The following NUBPL variants were observed in gnomAD, a reference collection of about 807,000 sequenced individuals.
NUBPL encodes iron-sulfur cluster transfer protein NUBPL.
Under a neutral mutation model 45.7 loss-of-function variants are expected in NUBPL, and 31 were observed. The ratio of observed to expected loss-of-function variants is 0.68; its 90% CI spans 0.51 to 0.92. The LOEUF (loss-of-function observed/expected upper bound fraction) is 0.92, where lower values mean the gene tolerates loss of function less well. Among genes scored for constraint, NUBPL ranks in the 40% least tolerant of loss-of-function variants. The pLI is 0.00. For missense variants in NUBPL, 401 were observed against 398.7 expected (o/e 1.01, Z -0.05); for synonymous variants, 144 against 140.9 (o/e 1.02, Z -0.15).
chr14:31,726,174 C>T (rs990957350), intron 6 of NUBPL, among the ~76,000 whole-genome samples: 1 of 152,232 alleles, frequency 6.6e-6, no homozygotes, highest in Admixed American at 6.5e-5. Context: ...AATTAATGGC[C>T]TAAAGTCATA....
At chr14:31,768,804 C>A (rs762318194) in intron 6 of NUBPL, among the ~76,000 whole-genome samples, 1 of 152,172 alleles carries the variant, frequency 6.6e-6, no homozygotes. Flanking sequence ...AAGAGTTCAT[C>A]CTGGTACCAA....
chr14:31,601,505 C>T (rs2034433361), intron 4 of NUBPL, among the ~76,000 whole-genome samples: 1 of 151,882 alleles, frequency 6.6e-6, no homozygotes, highest in South Asian at 2.1e-4. Flanking sequence ...GTATTTTATT[C>T]TCCAGAATCT....
chr14:31,824,526 C>T (rs539792039), intron 7 of NUBPL, among the ~76,000 whole-genome samples: 10 of 152,170 alleles, frequency 6.6e-5, no homozygotes, highest in South Asian at 6.2e-4. Flanking sequence ...AAATTTATGA[C>T]GTTAATTTAA....
At chr14:31,699,194 A>C (rs1243880082) in intron 6 of NUBPL, among the ~76,000 whole-genome samples, 1 of 152,130 alleles carries the variant, frequency 6.6e-6, no homozygotes, top group Admixed American at 6.5e-5. Context: ...TTTTTTGTTT[A>C]GGGTAGGCCT....
chr14:31,701,747 T>C (rs4981883), intron 6 of NUBPL, among the ~76,000 whole-genome samples: 151,707 of 152,336 alleles, frequency 1, 75,544 homozygotes, highest in Middle Eastern at 1. Context: ...AGAAGAAACT[T>C]TGGACACACC....
chr14:31,636,032 G>A (rs981476618), intron 4 of NUBPL, among the ~76,000 whole-genome samples: 5 of 152,020 alleles, frequency 3.3e-5, no homozygotes, highest in Admixed American at 6.6e-5. Flanking sequence ...CATGTCATCT[G>A]CAAACAGGGA....
intron 6 of NUBPL, among the ~76,000 whole-genome samples, chr14:31,705,986 C>T (rs920278911): frequency 3.9e-5 from 6 of 152,322 alleles, no homozygotes; most frequent in Admixed American, 3.9e-4. Context: ...CCCTCCACAC[C>T]TCCCCACAAG....
At chr14:31,604,988 A>G (rs925801606) in intron 4 of NUBPL, among the ~76,000 whole-genome samples, 2 of 152,234 alleles carry the variant, frequency 1.3e-5, no homozygotes, top group Admixed American at 6.5e-5. Context: ...CTGACATTAT[A>G]ATGACTGAAG....
At chr14:31,651,505 C>T (rs1195114502) in intron 4 of NUBPL, among the ~76,000 whole-genome samples, 4 of 152,046 alleles carry the variant, frequency 2.6e-5, no homozygotes, top group Non-Finnish European at 5.9e-5. Context: ...CTTTTGTAAC[C>T]TATGGAATGG....
chr14:31,780,294 C>T (rs1217657917), intron 6 of NUBPL, among the ~76,000 whole-genome samples: 1 of 151,858 alleles, frequency 6.6e-6, no homozygotes, highest in Non-Finnish European at 1.5e-5. Context: ...AGTCTGTGAA[C>T]TCCTGACCTC....
chr14:31,829,112 C>G (rs1304461969), intron 8 of NUBPL, among the ~76,000 whole-genome samples: 1 of 152,134 alleles, frequency 6.6e-6, no homozygotes, highest in Non-Finnish European at 1.5e-5. Context: ...AGTTCTGGGT[C>G]ATGACAAGGT....
At chr14:31,786,973 G>A (rs57264554) in intron 6 of NUBPL, among the ~76,000 whole-genome samples, 56 of 152,320 alleles carry the variant, frequency 3.7e-4, no homozygotes, top group African/African-American at 1.3e-3. Context: ...AACAGATGGT[G>A]GTGGCCTCAC....
intron 7 of NUBPL, among the ~76,000 whole-genome samples, chr14:31,807,107 C>T (rs914399440): frequency 6.6e-6 from 1 of 152,104 alleles, no homozygotes; most frequent in Admixed American, 6.6e-5. Context: ...TTTATAGCAG[C>T]ATGCTTTATA....
chr14:31,600,745 C>G (rs537367998), intron 4 of NUBPL, among the ~76,000 whole-genome samples: 2 of 151,528 alleles, frequency 1.3e-5, no homozygotes, highest in Non-Finnish European at 2.9e-5. Flanking sequence ...TGTGCAGAAG[C>G]TCTTTAGTTT....
chr14:31,813,053 A>C (rs1326169631), intron 7 of NUBPL, among the ~76,000 whole-genome samples: 1 of 137,626 alleles, frequency 7.3e-6, no homozygotes, highest in Non-Finnish European at 1.5e-5. Flanking sequence ...GTAGTGGTGT[A>C]TCTCGGCTCA....
chr14:31,858,348 A>C (rs193044884), intron 10 of NUBPL, among the ~76,000 whole-genome samples: 1 of 152,238 alleles, frequency 6.6e-6, no homozygotes, highest in African/African-American at 2.4e-5. Flanking sequence ...ATCAATTATC[A>C]ATGTAGAAAT....
At chr14:31,580,603 G>T (rs1431137459) in intron 3 of NUBPL, among the ~76,000 whole-genome samples, 1 of 152,178 alleles carries the variant, frequency 6.6e-6, no homozygotes, top group Non-Finnish European at 1.5e-5. Context: ...AACAGAGTGA[G>T]ACCCCCATCT....
At position 31,653,186 on chromosome 14, in the gene NUBPL, C is replaced by T. The variant is rs1363769443; in HGVS notation, c.383-20169C>T. On this transcript the variant is annotated intron_variant, in intron 4 of 10. Coordinates refer to ENST00000281081, the MANE Select transcript of NUBPL (RefSeq NM_025152.3). Reference sequence around the variant, plus strand: ...CAAAATTAGAATTACTGATGAGGTTCTATGGTCAGCTGTGCACGTATTGTC... The same window carrying T: ...CAAAATTAGAATTACTGATGAGGTTTTATGGTCAGCTGTGCACGTATTGTC... Among the ~76,000 whole-genome samples the T allele has an allele frequency of 2.6e-5, 4 of 152,180 alleles. No individual in the cohort carries two copies. In the East Asian group the frequency reaches 7.7e-4, roughly 29 times the overall value.
intron 2 of NUBPL, among the ~76,000 whole-genome samples, chr14:31,562,580 A>T (rs1013217434): frequency 2.6e-5 from 4 of 151,180 alleles, no homozygotes; most frequent in African/African-American, 9.7e-5. Context: ...TTATTTTTAA[A>T]ACATCTAGTA....
Sources: gnomAD v4.1 joint callset for allele counts (sites outside exome capture counted in the v4.1 genomes callset) on GRCh38, gnomAD v4.1.1 for gene constraint, MANE v1.5 for transcripts, NCBI Gene and HGNC (gene_info 2026-07-23, HGNC 2026-07-21) for gene names.